CACNA2D1: variants seen among roughly 807,000 people sequenced by gnomAD.
The protein encoded by CACNA2D1 is calcium voltage-gated channel auxiliary subunit alpha2delta 1.
CACNA2D1 carries 53 observed loss-of-function variants against 171.5 expected under a neutral mutation model. The ratio of observed to expected loss-of-function variants is 0.31; its 90% CI spans 0.25 to 0.39. The LOEUF (loss-of-function observed/expected upper bound fraction) is 0.39. Among genes scored for constraint, CACNA2D1 ranks in the 10% least tolerant of loss-of-function variants. The pLI, the probability that CACNA2D1 is intolerant of heterozygous loss-of-function variation, is 1.00. For synonymous variants in CACNA2D1, 442 were observed against 443.1 expected, an observed-to-expected ratio of 1.00 and a Z score of 0.03; for missense variants, 903 against 1,299.8, an observed-to-expected ratio of 0.69 and a Z score of 4.69.
chr7:82,157,713 C>T (rs1794510249), intron 4 of CACNA2D1, among the ~76,000 whole-genome samples: 1 of 151,924 alleles, frequency 6.6e-6, no homozygotes, highest in East Asian at 1.9e-4. Flanking sequence ...AAGAATTTAG[C>T]AATAGGGCCA....
At chr7:82,041,324 C>T (rs1430856197) in intron 10 of CACNA2D1, among the ~76,000 whole-genome samples, 1 of 152,078 alleles carries the variant, frequency 6.6e-6, no homozygotes, top group South Asian at 2.1e-4. Flanking sequence ...AGGTGACACA[C>T]AGAGGAATGG....
intron 1 of CACNA2D1, among the ~76,000 whole-genome samples, chr7:82,382,266 T>G (rs1271600958): frequency 1.3e-5 from 2 of 152,240 alleles, no homozygotes; most frequent in African/African-American, 2.4e-5. Flanking sequence ...CTCTAAAATT[T>G]ACTAGAACTA....
At chr7:82,043,183 A>G (rs1804159396) in intron 10 of CACNA2D1, among the ~76,000 whole-genome samples, 1 of 152,222 alleles carries the variant, frequency 6.6e-6, no homozygotes, top group Non-Finnish European at 1.5e-5. Context: ...ATTTATAAGT[A>G]GATGAATTGC....
In CACNA2D1 at chr7:82,066,526, T is replaced by TAAAA. The variant is rs370103843; in HGVS notation, c.659-6_659-3dup. 1.4e-5 allele frequency: 21 copies of TAAAA among 1,448,740 alleles called. No homozygotes were observed. Among genetic ancestry groups the TAAAA allele is most frequent in the South Asian group, 9.5e-5 (7 of 73,574 alleles). 89.7% of individuals were successfully genotyped at this position (1,448,740 alleles called of 1,614,324 possible). ...TACTATTATCAACCCATGGTGAAGC[T>TAAAA]AAAAAAAAAAAAAAAAGAGAGATAT... On this transcript the variant is annotated splice_region_variant and splice_polypyrimidine_tract_variant and intron_variant, in intron 7 of 38. Coordinates refer to ENST00000356860, the MANE Select transcript of CACNA2D1 (RefSeq NM_000722.4).
rs770404779 is a variant in CACNA2D1, at chr7:81,984,674, T to C, written c.1834A>G (p.Ile612Val). The change falls in exon 22 of 39, where the codon ATA (isoleucine) becomes GTA (valine). Residue 612 changes from isoleucine (I) to valine (V), a missense_variant. Around this residue, in one of 5 missense-constraint regions of CACNA2D1, gnomAD observed 623 missense variants for 925.5 expected, o/e 0.67. Coordinates refer to ENST00000356860, the MANE Select transcript of CACNA2D1 (RefSeq NM_000722.4). ...ATTGTCTCTTCTAGTTTGGCTTTTATATAGTAAAAACTGTAGGTTGGTAAT... is the reference window on the plus strand; with the variant it reads ...ATTGTCTCTTCTAGTTTGGCTTTTACATAGTAAAAACTGTAGGTTGGTAAT... ...LVLPTYSFYY[I>V]KAKLEETITQ... 1.9e-6 allele frequency: 3 copies of C among 1,572,582 alleles called. No homozygotes were observed. Among genetic ancestry groups the C allele is most frequent in the South Asian group, 1.2e-5 (1 of 86,578 alleles).
intron 1 of CACNA2D1, among the ~76,000 whole-genome samples, chr7:82,407,223 T>C (rs1827157562): frequency 6.6e-6 from 1 of 152,150 alleles, no homozygotes; most frequent in Non-Finnish European, 1.5e-5. Flanking sequence ...GAGCTCACTT[T>C]GCTAGACTAT....
intron 10 of CACNA2D1, among the ~76,000 whole-genome samples, chr7:82,057,929 G>A (rs1169015120): frequency 6.6e-6 from 1 of 152,136 alleles, no homozygotes; most frequent in African/African-American, 2.4e-5. Flanking sequence ...ATGTTTCTTT[G>A]TTTAAAGATT....
chr7:82,361,872 T>G (rs981679222), intron 1 of CACNA2D1, among the ~76,000 whole-genome samples: 1 of 152,302 alleles, frequency 6.6e-6, no homozygotes, highest in South Asian at 2.1e-4. Context: ...AATGTCAAGA[T>G]GGTTACTGGA....
chr7:82,242,567 T>C (rs1452049250), intron 3 of CACNA2D1, among the ~76,000 whole-genome samples: 1 of 152,186 alleles, frequency 6.6e-6, no homozygotes, highest in Admixed American at 6.5e-5. Context: ...CAGTCAACTT[T>C]TTCTTGCTCA....
chr7:82,004,500 A>G (rs1394967631), intron 18 of CACNA2D1, among the ~76,000 whole-genome samples: 3 of 151,786 alleles, frequency 2.0e-5, no homozygotes. Flanking sequence ...TTTGCATTCA[A>G]TATCAATAGT....
intron 20 of CACNA2D1, among the ~76,000 whole-genome samples, chr7:81,992,031 G>C (rs1159190364): frequency 6.7e-6 from 1 of 149,062 alleles, no homozygotes; most frequent in Non-Finnish European, 1.5e-5. Flanking sequence ...TTTTAGTAGA[G>C]ACGGGGTTTC....
chr7:82,209,776 T>C (rs1212411614), intron 3 of CACNA2D1, among the ~76,000 whole-genome samples: 1 of 152,200 alleles, frequency 6.6e-6, no homozygotes, highest in Non-Finnish European at 1.5e-5. Flanking sequence ...TTCCCCTACA[T>C]AGCCGGTGCC....
At chr7:82,094,627 C>T (rs1811644514) in intron 6 of CACNA2D1, among the ~76,000 whole-genome samples, 1 of 139,858 alleles carries the variant, frequency 7.2e-6, no homozygotes, top group African/African-American at 2.8e-5. Flanking sequence ...TTTTTCTCTT[C>T]CAATAAATCA....
chr7:82,171,639 A>G (rs1239013188), intron 3 of CACNA2D1, among the ~76,000 whole-genome samples: 1 of 152,144 alleles, frequency 6.6e-6, no homozygotes, highest in Non-Finnish European at 1.5e-5. Flanking sequence ...TATGTCAACT[A>G]TCAACTTCAA....
At chr7:82,349,363 C>G (rs2129445849) in intron 2 of CACNA2D1, among the ~76,000 whole-genome samples, 1 of 152,232 alleles carries the variant, frequency 6.6e-6, no homozygotes, top group Non-Finnish European at 1.5e-5. Flanking sequence ...GCAAAGTGTG[C>G]TGAGAAAGTT....
At chr7:82,262,938 T>C (rs1807317492) in intron 3 of CACNA2D1, among the ~76,000 whole-genome samples, 2 of 152,080 alleles carry the variant, frequency 1.3e-5, no homozygotes, top group Non-Finnish European at 2.9e-5. Flanking sequence ...AAATGGGCCT[T>C]GCTGAGTTCC....
intron 1 of CACNA2D1, among the ~76,000 whole-genome samples, chr7:82,360,054 G>C (rs1294468905): frequency 6.6e-6 from 1 of 152,162 alleles, no homozygotes; most frequent in African/African-American, 2.4e-5. Context: ...AGAGCAGTTT[G>C]CCCTGAGAAG....
chr7:82,267,630 T>C (rs1441943923), intron 3 of CACNA2D1, among the ~76,000 whole-genome samples: 2 of 152,186 alleles, frequency 1.3e-5, no homozygotes, highest in African/African-American at 4.8e-5. Flanking sequence ...CCTCATACTT[T>C]TCCTCATTTA....
intron 1 of CACNA2D1, among the ~76,000 whole-genome samples, chr7:82,400,420 C>T (rs1361008374): frequency 6.6e-6 from 1 of 152,090 alleles, no homozygotes; most frequent in African/African-American, 2.4e-5. Context: ...TCCTTCACAT[C>T]CCTTGTAAGT....
Sources: gnomAD v4.1 joint callset for allele counts (sites outside exome capture counted in the v4.1 genomes callset) on GRCh38, gnomAD v4.1.1 for gene constraint, gnomAD v4.1.1 regional missense constraint, MANE v1.5 for transcripts, NCBI Gene and HGNC (gene_info 2026-07-23, HGNC 2026-07-21) for gene names.